C12orf56: variants seen among roughly 807,000 people sequenced by gnomAD.
C12orf56 encodes the protein uncharacterized protein C12orf56.
C12orf56 carries 71 observed loss-of-function variants against 69.9 expected under a neutral mutation model. The ratio of observed to expected loss-of-function variants is 1.02; its 90% CI spans 0.84 to 1.24. C12orf56 has a LOEUF of 1.24. Ranked by LOEUF, C12orf56 falls within the 50% of genes most tolerant of loss-of-function variation. The pLI, the probability that C12orf56 is intolerant of heterozygous loss-of-function variation, is 0.00. For missense variants in C12orf56, 732 were observed against 738.5 expected (o/e 0.99, Z 0.10); for synonymous variants, 276 against 274.1 (o/e 1.01, Z -0.07).
At chr12:64,367,267 C>T (rs1469455533) in intron 1 of C12orf56, among the ~76,000 whole-genome samples, 3 of 134,072 alleles carry the variant, frequency 2.2e-5, no homozygotes, top group Admixed American at 8.0e-5. Context: ...ATATAATATA[C>T]AGTTTATATA....
intron 2 of C12orf56, among the ~76,000 whole-genome samples, chr12:64,347,522 G>T (rs1196340189): frequency 1.3e-5 from 2 of 152,020 alleles, no homozygotes; most frequent in Non-Finnish European, 2.9e-5. Context: ...CTGACTTCAT[G>T]ATCCTTGGCC....
At chr12:64,282,380 G>A (rs1191707851) in intron 8 of C12orf56, among the ~76,000 whole-genome samples, 1 of 152,176 alleles carries the variant, frequency 6.6e-6, no homozygotes, top group Non-Finnish European at 1.5e-5. Context: ...GGGCTACAAT[G>A]GCAGAACTGA....
intron 1 of C12orf56, among the ~76,000 whole-genome samples, chr12:64,373,438 A>C (rs1193986736): frequency 6.6e-6 from 1 of 152,158 alleles, no homozygotes; most frequent in Non-Finnish European, 1.5e-5. Flanking sequence ...CAACAGTGCA[A>C]GACCTGTCTT....
At chr12:64,276,003 C>A (rs1049170325) in intron 9 of C12orf56, among the ~76,000 whole-genome samples, 1 of 88,762 alleles carries the variant, frequency 1.1e-5, no homozygotes, top group African/African-American at 4.4e-5. Context: ...AAATACACAC[C>A]CCCCCCCGCG....
chr12:64,352,178 T>A (rs1311118387), intron 2 of C12orf56: 1 of 150,996 alleles, frequency 6.6e-6, no homozygotes, highest in Non-Finnish European at 1.5e-5. Context: ...GTAAAAGACC[T>A]CAGGATCTTT....
chr12:64,267,119 A>AAG lies in C12orf56; in HGVS notation c.*63_*64insCT, dbSNP rs1253775940. ...AACAAATAAAAAAATGTTTCTCGTGAATATCAAGTTGACTCTTGATTAACA... is the reference window on the plus strand; with the variant it reads ...AACAAATAAAAAAATGTTTCTCGTGAAGATATCAAGTTGACTCTTGATTAACA... On this transcript the variant is annotated 3_prime_UTR_variant, in exon 13 of 13. Transcript: ENST00000543942. 1 of 1,193,794 alleles carries AAG rather than the reference A, an allele frequency of 8.4e-7. No homozygotes were observed. Among genetic ancestry groups the AAG allele is most frequent in the African/African-American group, 1.6e-5 (1 of 64,148 alleles). The allele number at this position is 1,193,794 out of a possible 1,614,324, so 74.0% of individuals were successfully genotyped here.
intron 6 of C12orf56, among the ~76,000 whole-genome samples, chr12:64,300,519 C>G (rs2038429754): frequency 6.6e-6 from 1 of 152,150 alleles, no homozygotes; most frequent in South Asian, 2.1e-4. Flanking sequence ...AATCCAGTCC[C>G]TGATTGTGTC....
chr12:64,316,090 TA>T (rs1365002962), intron 4 of C12orf56, among the ~76,000 whole-genome samples: 2 of 152,068 alleles, frequency 1.3e-5, no homozygotes, highest in Non-Finnish European at 2.9e-5. Flanking sequence ...AAAACTTATT[TA>T]TTTTTTTAAT....
intron 1 of C12orf56, chr12:64,388,910 T>C (rs1351919391): frequency 6.6e-6 from 1 of 152,208 alleles, no homozygotes; most frequent in African/African-American, 2.4e-5. Flanking sequence ...GGAAAAGCAA[T>C]GTTGTATCCC....
At chr12:64,315,306 GTT>G (rs56808442) in intron 4 of C12orf56, among the ~76,000 whole-genome samples, 62,139 of 138,862 alleles carry the variant, frequency 0.45, 13,865 homozygotes, top group African/African-American at 0.54. Flanking sequence ...ATTGTTCTAC[GTT>G]TTTTTTTTTT....
At chr12:64,301,724 A>G (rs2136801165) in intron 6 of C12orf56, among the ~76,000 whole-genome samples, 1 of 152,202 alleles carries the variant, frequency 6.6e-6, no homozygotes, top group African/African-American at 2.4e-5. Context: ...TTCCCAGTTC[A>G]TCTGTATCTC....
rs766494932 is a variant in C12orf56 at position 64,318,886 on chromosome 12, G to T, written c.583C>A (p.Arg195=). 6.5e-7 allele frequency: 1 copy of T among 1,537,208 alleles called. No individual in the cohort carries two copies. Among genetic ancestry groups the T allele is most frequent in the South Asian group, 1.2e-5 (1 of 84,058 alleles). Reference sequence around the variant, plus strand: ...CTCCTGGAGGGGGAAGGTAGGGGTCGAAAGGCACCTTGGCCATGAAGGGAC... The same window carrying T: ...CTCCTGGAGGGGGAAGGTAGGGGTCTAAAGGCACCTTGGCCATGAAGGGAC... ...KLSLHGQGAF[R]PLPSPSRRSS... is the part of the protein sequence containing the mutation. Residue 195 remains arginine (R), a synonymous_variant, in exon 4 of 13, where the codon CGA becomes AGA. Transcript: ENST00000543942.
intron 3 of C12orf56, among the ~76,000 whole-genome samples, chr12:64,320,415 C>T (rs866776939): frequency 5.1e-4 from 77 of 152,264 alleles, no homozygotes; most frequent in African/African-American, 1.8e-3. Flanking sequence ...CCTCTGCCTC[C>T]ACCTCCCAAA....
Position 64,270,707 on chromosome 12 carries a change from A to T in C12orf56, c.1592T>A (p.Phe531Tyr), listed in dbSNP as rs757176019. 9.3e-6 allele frequency: 15 copies of T among 1,604,708 alleles called. No individual in the cohort carries two copies. Among genetic ancestry groups the T allele is most frequent in the Middle Eastern group, 3.3e-4 (2 of 6,038 alleles). ...CACTTGTTTCACAATACTGGCCACAAAAGTAATCTAGACAAGGAAAATACA... is the reference window on the plus strand; with the variant it reads ...CACTTGTTTCACAATACTGGCCACATAAGTAATCTAGACAAGGAAAATACA... ...FLQSCPPIIT[F>Y]VASIVKQVVR... The change falls in exon 12 of 13, where the codon TTT (phenylalanine) becomes TAT (tyrosine). Residue 531 changes from phenylalanine to tyrosine, a missense_variant. Coordinates refer to ENST00000543942, the MANE Select transcript of C12orf56 (RefSeq NM_001170633.2).
At chr12:64,342,972 T>C (rs1314225319) in intron 2 of C12orf56, among the ~76,000 whole-genome samples, 1 of 152,184 alleles carries the variant, frequency 6.6e-6, no homozygotes, top group Non-Finnish European at 1.5e-5. Context: ...CCTGGACCTG[T>C]TGCAGAGCCT....
chr12:64,330,836 T>C (rs1238715009), intron 3 of C12orf56, 124 bp downstream of exon 3: 12 of 678,762 alleles, frequency 1.8e-5, no homozygotes, highest in Non-Finnish European at 2.4e-5. Context: ...CCTTATTGCA[T>C]ATGTAAGATT....
intron 1 of C12orf56, among the ~76,000 whole-genome samples, chr12:64,384,924 C>T (rs767524109): frequency 5.9e-5 from 9 of 151,736 alleles, no homozygotes; most frequent in East Asian, 3.9e-4. Flanking sequence ...TGTGGTGGTG[C>T]GAGCCTGTAA....
chr12:64,303,620 A>T lies in C12orf56; in HGVS notation c.1113+15T>A, dbSNP rs1345249141. The T allele has an allele frequency of 7.9e-6, 12 of 1,515,706 alleles. No individual in the cohort carries two copies. Among genetic ancestry groups the T allele is most frequent in the South Asian group, 1.3e-5 (1 of 75,676 alleles). The allele number at this position is 1,515,706 out of a possible 1,614,324, so 93.9% of individuals were successfully genotyped here. On this transcript the variant is annotated intron_variant, in intron 6 of 12. Coordinates refer to ENST00000543942, the MANE Select transcript of C12orf56 (RefSeq NM_001170633.2). ...ACACAAACTTTAAAGATTAAAAATA[A>T]AACAAAACACTTACCTTCCAGAAAA...
chr12:64,269,385 G>A (rs917653642), intron 12 of C12orf56, among the ~76,000 whole-genome samples: 6 of 152,210 alleles, frequency 3.9e-5, no homozygotes, highest in African/African-American at 1.4e-4. Context: ...GAACCCCTGA[G>A]GTGCAGGAGA....
Sources: allele counts gnomAD v4.1 joint callset (sites outside exome capture counted in the v4.1 genomes callset), GRCh38; gene constraint gnomAD v4.1.1; transcripts MANE v1.5; gene names NCBI Gene and HGNC (gene_info 2026-07-23, HGNC 2026-07-21).